KCNIP4: variants seen among roughly 807,000 people sequenced by gnomAD.
KCNIP4 encodes Kv channel-interacting protein 4.
KCNIP4 carries 12 observed loss-of-function variants against 34.0 expected under a neutral mutation model. The observed-to-expected ratio is 0.35, with a 90% CI of 0.23 to 0.57. The LOEUF is 0.57. Among genes scored for constraint, KCNIP4 ranks in the 20% least tolerant of loss-of-function variants. KCNIP4 has a pLI of 0.83. For synonymous variants in KCNIP4, 124 were observed against 102.2 expected, an observed-to-expected ratio of 1.21 and a Z score of -1.29; for missense variants, 238 against 311.7, an observed-to-expected ratio of 0.76 and a Z score of 1.78.
intron 1 of KCNIP4, among the ~76,000 whole-genome samples, chr4:21,522,876 C>A (rs906273143): frequency 1.3e-5 from 2 of 151,996 alleles, no homozygotes; most frequent in East Asian, 3.9e-4. Flanking sequence ...TATATATTTG[C>A]TTATTTTTAT....
intron 1 of KCNIP4, among the ~76,000 whole-genome samples, chr4:21,335,179 G>T (rs554735622): frequency 6.6e-6 from 1 of 152,046 alleles, no homozygotes; most frequent in South Asian, 2.1e-4. Flanking sequence ...ATCAGTTCTT[G>T]TCTCTGCCCT....
At chr4:21,879,552 G>A (rs1247967926) in intron 1 of KCNIP4, among the ~76,000 whole-genome samples, 1 of 152,074 alleles carries the variant, frequency 6.6e-6, no homozygotes, top group Non-Finnish European at 1.5e-5. Flanking sequence ...ATTTTGTTCT[G>A]TTTTCCTGAA....
At chr4:21,704,056 G>T (rs1024721161) in intron 1 of KCNIP4, among the ~76,000 whole-genome samples, 1 of 152,138 alleles carries the variant, frequency 6.6e-6, no homozygotes, top group African/African-American at 2.4e-5. Flanking sequence ...TGACAAAGAT[G>T]CAAGAGCAGC....
intron 1 of KCNIP4, among the ~76,000 whole-genome samples, chr4:21,934,162 T>A (rs1397488528): frequency 6.6e-6 from 1 of 152,140 alleles, no homozygotes; most frequent in South Asian, 2.1e-4. Flanking sequence ...TGAGCAGCTA[T>A]GCAAATGCAA....
chr4:21,177,355 A>C (rs560896771), intron 1 of KCNIP4, among the ~76,000 whole-genome samples: 35 of 152,304 alleles, frequency 2.3e-4, no homozygotes, highest in African/African-American at 7.7e-4. Context: ...TATCTTACCA[A>C]ACCATATATT....
chr4:21,030,115 G>A (rs1453071396), intron 1 of KCNIP4, among the ~76,000 whole-genome samples: 1 of 152,162 alleles, frequency 6.6e-6, no homozygotes, highest in Non-Finnish European at 1.5e-5. Context: ...TAAGAGGTGA[G>A]TAGCAGGCGA....
chr4:21,556,920 C>CAAAAAAAAAAAA lies in KCNIP4; in HGVS notation c.61+391650_61+391651insTTTTTTTTTTTT, dbSNP rs1281543089. ...TGATCAACAAAGCAAGACTCCATCTCAGAAAAAAAAAAAAAAAAAAAAACC... is the reference window on the plus strand; with the variant it reads ...TGATCAACAAAGCAAGACTCCATCTCAAAAAAAAAAAAAGAAAAAAAAAAAAAAAAAAAAACC... On this transcript the variant is annotated intron_variant, in intron 1 of 8. Transcript: ENST00000382152. Among the ~76,000 whole-genome samples the CAAAAAAAAAAAA allele has an allele frequency of 2.8e-3, 101 of 35,574 alleles. 10 individuals carry two copies. The highest frequency in any genetic ancestry group is 0.022 in the East Asian group (17 of 782). The allele number at this position is 35,574 out of a possible 152,430, so 23.3% of individuals were successfully genotyped here. A position where few individuals can be genotyped will look rare whatever the true frequency, so the allele number is the denominator to read the frequency against.
chr4:21,338,029 G>T (rs140367688), intron 1 of KCNIP4, among the ~76,000 whole-genome samples: 1 of 152,106 alleles, frequency 6.6e-6, no homozygotes, highest in African/African-American at 2.4e-5. Context: ...CACCATTCTG[G>T]ATATGTAGCT....
intron 1 of KCNIP4, among the ~76,000 whole-genome samples, chr4:21,085,476 A>G (rs1746339717): frequency 6.6e-6 from 1 of 152,182 alleles, no homozygotes; most frequent in South Asian, 2.1e-4. Flanking sequence ...AGTCTATTTC[A>G]TTATTTCATA....
At chr4:21,327,107 G>T (rs1318612532) in intron 1 of KCNIP4, among the ~76,000 whole-genome samples, 2 of 151,926 alleles carry the variant, frequency 1.3e-5, no homozygotes, top group African/African-American at 4.8e-5. Context: ...ATAATATTCT[G>T]TGTTCTTAAT....
intron 1 of KCNIP4, among the ~76,000 whole-genome samples, chr4:21,714,326 T>A (rs917878249): frequency 6.6e-6 from 1 of 152,258 alleles, no homozygotes; most frequent in Non-Finnish European, 1.5e-5. Flanking sequence ...CTGATATTTC[T>A]CGGCTCTCTA....
chr4:21,566,562 C>T (rs1739906351), intron 1 of KCNIP4, among the ~76,000 whole-genome samples: 2 of 152,122 alleles, frequency 1.3e-5, no homozygotes, highest in South Asian at 2.1e-4. Flanking sequence ...TGAGTCCTCC[C>T]CAGCCAAGCT....
chr4:20,800,357 G>A lies in KCNIP4; in HGVS notation c.289-41467C>T, dbSNP rs550851487. On this transcript the variant is annotated intron_variant, in intron 3 of 8. Transcript: ENST00000382152. The stretch of plus-strand genomic sequence containing the variant: ...AATCAGATGTGCAGACATCAATGCA[G>A]GAACACAAGAAACACAGAAAACAAG... Among the ~76,000 whole-genome samples the A allele has an allele frequency of 2.0e-5, 3 of 152,252 alleles. No individual in the cohort carries two copies. In the South Asian group the frequency reaches 6.2e-4, roughly 32 times the overall value.
intron 1 of KCNIP4, among the ~76,000 whole-genome samples, chr4:21,766,772 T>G (rs539363156): frequency 6.6e-6 from 1 of 152,260 alleles, no homozygotes; most frequent in South Asian, 2.1e-4. Flanking sequence ...ATTTCACTCT[T>G]TGTTAAACTG....
chr4:21,770,047 T>G (rs1306896840), intron 1 of KCNIP4, among the ~76,000 whole-genome samples: 1 of 152,136 alleles, frequency 6.6e-6, no homozygotes, highest in African/African-American at 2.4e-5. Context: ...ACATGCAGGT[T>G]TGTTACACAG....
At chr4:21,028,788 G>T (rs978933780) in intron 1 of KCNIP4, among the ~76,000 whole-genome samples, 1 of 152,110 alleles carries the variant, frequency 6.6e-6, no homozygotes, top group Non-Finnish European at 1.5e-5. Context: ...TAGAATGATG[G>T]GCTGTAATTT....
intron 1 of KCNIP4, among the ~76,000 whole-genome samples, chr4:21,909,669 C>T (rs1355067202): frequency 2.0e-5 from 3 of 152,056 alleles, no homozygotes; most frequent in Admixed American, 2.0e-4. Flanking sequence ...AGTTTGTTTT[C>T]ATGCTGCTGA....
intron 1 of KCNIP4, among the ~76,000 whole-genome samples, chr4:21,704,141 T>C (rs1440876403): frequency 6.6e-6 from 1 of 152,126 alleles, no homozygotes; most frequent in Admixed American, 6.6e-5. Context: ...GAACCCAACC[T>C]TGGTGAAGAT....
At chr4:21,342,598 T>C (rs559812227) in intron 1 of KCNIP4, among the ~76,000 whole-genome samples, 30 of 151,920 alleles carry the variant, frequency 2.0e-4, no homozygotes, top group Non-Finnish European at 3.7e-4. Flanking sequence ...TTTATTTGCT[T>C]TTTTCTGTGC....
Sources: gnomAD v4.1 joint callset for allele counts (sites outside exome capture counted in the v4.1 genomes callset) on GRCh38, gnomAD v4.1.1 for gene constraint, MANE v1.5 for transcripts, NCBI Gene and HGNC (gene_info 2026-07-23, HGNC 2026-07-21) for gene names.